The following ETV7 variants were observed in gnomAD, a reference collection of about 807,000 sequenced individuals.
ETV7 encodes transcription factor ETV7.
In ETV7, 43 loss-of-function variants were observed where a neutral mutation model predicts 39.1. That is an observed-to-expected ratio of 1.10 (90% CI 0.86 to 1.42). The LOEUF is 1.42. ETV7 is among the 40% of genes most tolerant of loss of function. The pLI is 0.00. For synonymous variants in ETV7, 196 were observed against 176.6 expected (o/e 1.11, Z -0.87); for missense variants, 432 against 442.3 (o/e 0.98, Z 0.21).
chr6:36,372,570 T>C lies in ETV7; in HGVS notation c.433+883A>G, dbSNP rs143906242. Among the ~76,000 whole-genome samples, 48 of 148,650 alleles carry C rather than the reference T, an allele frequency of 3.2e-4. No homozygotes were observed. In the East Asian group the frequency reaches 8.8e-3, roughly 27 times the overall value. On this transcript the variant is annotated intron_variant, in intron 4 of 7. Transcript: ENST00000340181. ...GCAGCAGGAGAGGAGTGAGAAGAGG[T>C]TGGATTCTGGACAGATTTGAAGGTA...
rs756114308 is a variant in ETV7 at position 36,373,453 on chromosome 6, C to A, written c.433G>T (p.Glu145Ter). 1.3e-6 allele frequency: 2 copies of A among 1,556,396 alleles called. No homozygotes were observed. Among genetic ancestry groups the A allele is most frequent in the Non-Finnish European group, 1.7e-6 (2 of 1,156,076 alleles). ...PTQHSPVPPE[E>*]VTGPSQMDTR... ...CGAGCACCACAGAGAGCTTCCTCAC[C>A]TTCCGGGGGGACTGGAGAGTGCTGG... Residue 145 changes from glutamate to a stop codon, truncating the protein, a stop_gained and splice_region_variant, in exon 4 of 8, where the codon GAG becomes TAG. Coordinates refer to ENST00000340181, the MANE Select transcript of ETV7 (RefSeq NM_016135.4). LOFTEE classifies it high-confidence loss of function.
intron 7 of ETV7, among the ~76,000 whole-genome samples, chr6:36,357,148 C>T (rs763913489): frequency 6.6e-6 from 1 of 152,102 alleles, no homozygotes; most frequent in Non-Finnish European, 1.5e-5. Flanking sequence ...TACCATTTGC[C>T]ACTGAGAGGG....
chr6:36,365,254 A>G (rs189701112), downstream of ETV7, among the ~76,000 whole-genome samples: 44 of 152,292 alleles, frequency 2.9e-4, no homozygotes, highest in South Asian at 3.9e-3. Flanking sequence ...GGAGGCCCCA[A>G]TCAGTACTTG....
At chr6:36,382,959 C>A (rs1362263263) in intron 2 of ETV7, among the ~76,000 whole-genome samples, 2 of 145,966 alleles carry the variant, frequency 1.4e-5, no homozygotes, top group African/African-American at 5.2e-5. Flanking sequence ...CACAGTTGAC[C>A]CTTGCCCTCC....
At chr6:36,354,738 T>C (rs1053661719) in intron 7 of ETV7, 2 of 681,888 alleles carry the variant, frequency 2.9e-6, no homozygotes, top group South Asian at 1.6e-5. Context: ...TTGCATTGAA[T>C]ATGTAGACCA....
chr6:36,366,130 T>C, downstream of ETV7: 1 of 936,892 alleles, frequency 1.1e-6, no homozygotes, highest in Non-Finnish European at 1.3e-6. Flanking sequence ...GCCGAGATCG[T>C]GCCACTGCAC....
intron 5 of ETV7, among the ~76,000 whole-genome samples, chr6:36,369,986 T>C (rs9470260): frequency 0.087 from 13,267 of 152,098 alleles, 798 homozygotes; most frequent in African/African-American, 0.17. Context: ...CTGGCGTCCA[T>C]GTGAGATCTT....
At position 36,368,849 on chromosome 6, in the gene ETV7, A is replaced by G. The variant is rs1772852790; in HGVS notation, c.807+80T>C. The G allele has an allele frequency of 3.2e-6, 5 of 1,583,308 alleles. No individual in the cohort carries two copies. The South Asian group carries it at 4.5e-5, about 14-fold the overall frequency. On this transcript the variant is annotated intron_variant, in intron 6 of 7. Coordinates refer to ENST00000340181, the MANE Select transcript of ETV7 (RefSeq NM_016135.4). ...GGCCCCATCAGCTGAGGATTGTCCC[A>G]TAGTGCTAGGGGTCCACTCTGACCC... is the stretch of plus-strand genomic sequence containing the variant.
At chr6:36,377,370 G>C (rs987322046) in intron 2 of ETV7, among the ~76,000 whole-genome samples, 42 of 152,138 alleles carry the variant, frequency 2.8e-4, no homozygotes, top group African/African-American at 9.9e-4. Context: ...GGGAAGCTGA[G>C]GTGGGAGGAT....
downstream of ETV7, among the ~76,000 whole-genome samples, chr6:36,364,215 C>T (rs935377721): frequency 2.6e-5 from 4 of 152,368 alleles, no homozygotes; most frequent in South Asian, 2.1e-4. Flanking sequence ...CCTGCCAGTC[C>T]GGCGCCGTGA....
At chr6:36,386,974 C>G in intron 1 of ETV7, 1 of 162,036 alleles carries the variant, frequency 6.2e-6, no homozygotes, top group Non-Finnish European at 1.4e-5. Flanking sequence ...GCCTGGGAAA[C>G]GCCAGCCACG....
In ETV7 at chr6:36,375,821, C is replaced by T. The variant is rs533115797; in HGVS notation, c.307+50G>A. The T allele has an allele frequency of 1.3e-5, 21 of 1,612,192 alleles. No homozygotes were observed. The African/African-American group carries it at 1.6e-4, about 12-fold the overall frequency. On this transcript the variant is annotated intron_variant, in intron 3 of 7. Coordinates refer to ENST00000340181, the MANE Select transcript of ETV7 (RefSeq NM_016135.4). ...GCCCCCCGGGGGTACTTGGGCCATC[C>T]TGGCCTACCAGGGTTCCCGCTTAGA... is the stretch of plus-strand genomic sequence containing the variant.
Position 36,375,796 on chromosome 6 carries a change from GC to G in ETV7, c.307+74del, listed in dbSNP as rs755983166. 2.6e-4 allele frequency: 416 copies of G among 1,605,426 alleles called. 5 individuals are homozygous for G. The East Asian group carries it at 9.1e-3, about 35-fold the overall frequency. On this transcript the variant is annotated intron_variant, in intron 3 of 7. Transcript: ENST00000340181. ...AAGACCCCTCCATCTCCCTCCCTGG[GC>G]CCCCCGGGGGTACTTGGGCCATCCT...
At chr6:36,357,182 T>C (rs1223809122) in intron 7 of ETV7, among the ~76,000 whole-genome samples, 1 of 152,076 alleles carries the variant, frequency 6.6e-6, no homozygotes, top group South Asian at 2.1e-4. Context: ...GTTGAACAGA[T>C]TTCAACTGAA....
At chr6:36,378,714 G>A (rs1773498081) in intron 2 of ETV7, among the ~76,000 whole-genome samples, 1 of 152,122 alleles carries the variant, frequency 6.6e-6, no homozygotes, top group African/African-American at 2.4e-5. Context: ...ATTTTTTGCT[G>A]TGAAGGCCTA....
chr6:36,383,467 G>A (rs1327095574), intron 2 of ETV7, among the ~76,000 whole-genome samples: 2 of 152,082 alleles, frequency 1.3e-5, no homozygotes, highest in African/African-American at 4.8e-5. Flanking sequence ...AACTCACAAG[G>A]CTAAACAAGA....
chr6:36,380,959 C>G (rs532946911), intron 2 of ETV7, among the ~76,000 whole-genome samples: 35 of 152,046 alleles, frequency 2.3e-4, no homozygotes, highest in Admixed American at 6.5e-4. Context: ...AACTACCAAG[C>G]CCATCAAGTC....
At chr6:36,376,436 G>A (rs7758498) in intron 2 of ETV7, among the ~76,000 whole-genome samples, 24,356 of 152,196 alleles carry the variant, frequency 0.16, 2,083 homozygotes, top group Admixed American at 0.23. Context: ...TAGGTGCTCA[G>A]AAAACACATG....
intron 7 of ETV7, among the ~76,000 whole-genome samples, chr6:36,356,093 G>A (rs925068864): frequency 6.6e-6 from 1 of 152,118 alleles, no homozygotes; most frequent in Non-Finnish European, 1.5e-5. Flanking sequence ...AGATGTATTC[G>A]AAAGCTATTG....
Sources: allele counts gnomAD v4.1 joint callset (sites outside exome capture counted in the v4.1 genomes callset), GRCh38; gene constraint gnomAD v4.1.1; transcripts MANE v1.5; gene names NCBI Gene and HGNC (gene_info 2026-07-23, HGNC 2026-07-21).